Variants in C12orf42 observed in about 807,000 individuals in gnomAD.
C12orf42 encodes the protein chromosome 12 open reading frame 42.
A neutral mutation model predicts 21.6 loss-of-function variants in C12orf42; 25 were observed. The ratio of observed to expected loss-of-function variants is 1.16; its 90% CI spans 0.84 to 1.62. C12orf42 has a LOEUF of 1.62. C12orf42 is among the 40% of genes most tolerant of loss of function. The probability of loss-of-function intolerance (pLI) is 0.00; values close to 1 mark genes in which losing one functional copy is unlikely to be tolerated. For missense variants in C12orf42, 483 were observed against 459.3 expected (o/e 1.05, Z -0.47); for synonymous variants, 174 against 175.0 (o/e 0.99, Z 0.05).
chr12:103,490,477 T>G, intron 1 of C12orf42, among the ~76,000 whole-genome samples: 1 of 152,246 alleles, frequency 6.6e-6, no homozygotes, highest in East Asian at 1.9e-4. Flanking sequence ...TGAATCAGTT[T>G]ATTCAATATT....
chr12:103,440,148 T>G (rs1951085321), intron 2 of C12orf42, among the ~76,000 whole-genome samples: 1 of 143,210 alleles, frequency 7.0e-6, no homozygotes, highest in South Asian at 2.3e-4. Flanking sequence ...CTCAGTAAAC[T>G]ATCGCAAGAA....
chr12:103,193,448 C>G, the C12orf42 span, among the ~76,000 whole-genome samples: 1 of 151,298 alleles, frequency 6.6e-6, no homozygotes, highest in African/African-American at 2.4e-5. Flanking sequence ...CTGAGTTCTT[C>G]CCTCAAAAAG....
chr12:103,048,811 G>T, the C12orf42 span, among the ~76,000 whole-genome samples: 17 of 152,050 alleles, frequency 1.1e-4, no homozygotes, highest in Non-Finnish European at 2.5e-4. Flanking sequence ...TAATTATATT[G>T]CGCCCTTATC....
the C12orf42 span, among the ~76,000 whole-genome samples, chr12:103,132,118 C>A: frequency 6.6e-6 from 1 of 152,152 alleles, no homozygotes; most frequent in South Asian, 2.1e-4. Flanking sequence ...AGATATAATC[C>A]TTTTCTGAGA....
intron 4 of C12orf42, among the ~76,000 whole-genome samples, chr12:103,327,975 A>T (rs963137791): frequency 2.6e-5 from 4 of 152,212 alleles, no homozygotes; most frequent in Non-Finnish European, 5.9e-5. Context: ...AATTCCAGGA[A>T]GATCTTGACT....
chr12:103,076,336 G>A, the C12orf42 span, among the ~76,000 whole-genome samples: 2 of 151,134 alleles, frequency 1.3e-5, no homozygotes, highest in Non-Finnish European at 2.9e-5. Context: ...GAACGTTCTA[G>A]GACATTTGTT....
chr12:103,194,923 A>AT, the C12orf42 span, among the ~76,000 whole-genome samples: 3 of 152,036 alleles, frequency 2.0e-5, no homozygotes, highest in Non-Finnish European at 2.9e-5. Flanking sequence ...CCTGATAGGT[A>AT]TTTTTTTCAA....
At chr12:103,081,327 C>T in the C12orf42 span, 5 of 152,190 alleles carry the variant, frequency 3.3e-5, no homozygotes, top group African/African-American at 1.2e-4. Flanking sequence ...TCGAAAATCG[C>T]TCTTGGAGTC....
chr12:103,403,172 G>C (rs879525580), intron 2 of C12orf42, among the ~76,000 whole-genome samples: 2 of 152,032 alleles, frequency 1.3e-5, no homozygotes, highest in East Asian at 1.9e-4. Context: ...TCAGGAGATC[G>C]AGACCACCCT....
At chr12:103,210,053 C>CT in the C12orf42 span, among the ~76,000 whole-genome samples, 1,643 of 146,342 alleles carry the variant, frequency 0.011, 26 homozygotes, top group African/African-American at 0.038. Flanking sequence ...TTCTTCCATA[C>CT]TTTTTTTTTT....
At chr12:103,507,283 T>A in the C12orf42 span, among the ~76,000 whole-genome samples, 198 of 90,390 alleles carry the variant, frequency 2.2e-3, 11 homozygotes, top group Middle Eastern at 4.4e-3. Context: ...TTATATATAT[T>A]TTTTTTTAAC....
intron 3 of C12orf42, among the ~76,000 whole-genome samples, chr12:103,399,847 A>C (rs1341785482): frequency 6.6e-6 from 1 of 152,140 alleles, no homozygotes; most frequent in Non-Finnish European, 1.5e-5. Context: ...ACACGCAAAG[A>C]CACACACACA....
At chr12:103,407,209 G>A (rs1376239970) in intron 2 of C12orf42, among the ~76,000 whole-genome samples, 1 of 152,120 alleles carries the variant, frequency 6.6e-6, no homozygotes, top group Non-Finnish European at 1.5e-5. Flanking sequence ...GGGATAGGAT[G>A]AGACAGCCAA....
At chr12:103,447,980 T>C (rs1012121680) in intron 2 of C12orf42, among the ~76,000 whole-genome samples, 1 of 151,870 alleles carries the variant, frequency 6.6e-6, no homozygotes, top group Admixed American at 6.6e-5. Flanking sequence ...AGAGCCCACA[T>C]AGACAAAGCA....
chr12:103,163,235 C>A, the C12orf42 span, among the ~76,000 whole-genome samples: 3 of 152,182 alleles, frequency 2.0e-5, no homozygotes, highest in African/African-American at 7.2e-5. Context: ...ATCTCAGCAG[C>A]ATCTAAATTG....
At chr12:103,137,410 G>A in the C12orf42 span, among the ~76,000 whole-genome samples, 124 of 149,744 alleles carry the variant, frequency 8.3e-4, no homozygotes, top group African/African-American at 2.9e-3. Context: ...GGAACTCAGA[G>A]TGTTGATGGG....
At chr12:103,435,267 A>G (rs1950602757) in intron 2 of C12orf42, among the ~76,000 whole-genome samples, 1 of 152,220 alleles carries the variant, frequency 6.6e-6, no homozygotes, top group South Asian at 2.1e-4. Context: ...CCATCATCAA[A>G]GACCAAAAGT....
At chr12:103,234,383 T>C (rs1469550484), downstream of C12orf42, among the ~76,000 whole-genome samples, 3 of 152,182 alleles carry the variant, frequency 2.0e-5, no homozygotes, top group Admixed American at 6.6e-5. Flanking sequence ...TAAAGAGATT[T>C]GTCATGGTGA....
At chr12:103,165,974 A>C in the C12orf42 span, among the ~76,000 whole-genome samples, 2 of 150,888 alleles carry the variant, frequency 1.3e-5, no homozygotes, top group Non-Finnish European at 3.0e-5. Flanking sequence ...CGGGAGGGGG[A>C]GGTTGGAGTG....
Sources: gnomAD v4.1 joint callset for allele counts (sites outside exome capture counted in the v4.1 genomes callset) on GRCh38, gnomAD v4.1.1 for gene constraint, MANE v1.5 for transcripts, NCBI Gene and HGNC (gene_info 2026-07-23, HGNC 2026-07-21) for gene names.